Variants in GAS7 observed in about 807,000 individuals in gnomAD.
The protein encoded by GAS7 is growth arrest-specific protein 7.
GAS7 carries 28 observed loss-of-function variants against 71.1 expected under a neutral mutation model. The observed-to-expected ratio is 0.39, with a 90% CI of 0.29 to 0.54. The LOEUF is 0.54. Among genes scored for constraint, GAS7 ranks in the 20% least tolerant of loss-of-function variants. GAS7 has a pLI of 0.62. For synonymous variants in GAS7, 258 were observed against 245.8 expected (o/e 1.05, Z -0.46); for missense variants, 436 against 627.8 (o/e 0.69, Z 3.27).
intron 11 of GAS7, among the ~76,000 whole-genome samples, chr17:9,921,466 G>A (rs150529829): frequency 3.3e-5 from 5 of 152,210 alleles, no homozygotes; most frequent in East Asian, 1.9e-4. Flanking sequence ...GGAGGAGGGC[G>A]GCGTGCTGCT....
rs1597423592 is a variant in GAS7 at position 9,912,066 on chromosome 17, A to T, written c.*5162T>A. 4.3e-6 allele frequency: 1 copy of T among 232,066 alleles called. No individual in the cohort carries two copies. The highest frequency in any genetic ancestry group is 8.5e-6 in the Non-Finnish European group (1 of 117,336). 14.4% of individuals were successfully genotyped at this position (232,066 alleles called of 1,614,324 possible). ...ACGCCTGTCCTGGCTCCTGGGGAGTAGACTCCAGAACATACTATCAAAGAT... is the reference window on the plus strand; with the variant it reads ...ACGCCTGTCCTGGCTCCTGGGGAGTTGACTCCAGAACATACTATCAAAGAT... On this transcript the variant is annotated 3_prime_UTR_variant, in exon 14 of 14. Coordinates refer to ENST00000432992, the MANE Select transcript of GAS7 (RefSeq NM_201433.2).
At chr17:10,132,884 C>T (rs1236873575) in intron 1 of GAS7, among the ~76,000 whole-genome samples, 3 of 152,014 alleles carry the variant, frequency 2.0e-5, no homozygotes, top group Non-Finnish European at 2.9e-5. Context: ...TTCAAACTGA[C>T]TCACAGGCTT....
chr17:9,924,923 A>G (rs975095359), intron 11 of GAS7: 4 of 152,256 alleles, frequency 2.6e-5, no homozygotes, highest in African/African-American at 9.6e-5. Flanking sequence ...ACTAGGTGGA[A>G]GCAGAAACCA....
At chr17:10,013,757 T>C (rs997095605) in intron 2 of GAS7, among the ~76,000 whole-genome samples, 4 of 152,234 alleles carry the variant, frequency 2.6e-5, no homozygotes, top group African/African-American at 9.6e-5. Flanking sequence ...TTTCAGTCTG[T>C]CCCTGACTAC....
chr17:10,110,541 C>T (rs945574815), intron 1 of GAS7, among the ~76,000 whole-genome samples: 3 of 152,136 alleles, frequency 2.0e-5, no homozygotes, highest in African/African-American at 4.8e-5. Flanking sequence ...TCTTGGCTCA[C>T]GGCAACCTCC....
At chr17:9,952,603 G>T (rs2069067484) in intron 5 of GAS7, among the ~76,000 whole-genome samples, 1 of 152,148 alleles carries the variant, frequency 6.6e-6, no homozygotes, top group Non-Finnish European at 1.5e-5. Flanking sequence ...TGTTGGTCAG[G>T]CTGGTCTCGA....
At chr17:10,056,444 A>C (rs1462823415) in intron 1 of GAS7, among the ~76,000 whole-genome samples, 1 of 152,160 alleles carries the variant, frequency 6.6e-6, no homozygotes, top group African/African-American at 2.4e-5. Flanking sequence ...GCAATGAACT[A>C]TGAGCATGCC....
chr17:9,946,833 C>T (rs2068805075), intron 6 of GAS7, 61 bp downstream of exon 6: 1 of 1,052,338 alleles, frequency 9.5e-7, no homozygotes, highest in African/African-American at 1.6e-5. Flanking sequence ...TCCTACCCAT[C>T]CTGGGTGTCC....
chr17:10,022,360 CT>C (rs1374818997), intron 1 of GAS7, among the ~76,000 whole-genome samples: 2 of 152,210 alleles, frequency 1.3e-5, no homozygotes, highest in African/African-American at 4.8e-5. Context: ...GTGAAATATT[CT>C]AGTTTCTCCT....
chr17:10,087,403 G>T (rs1425914214), intron 1 of GAS7, among the ~76,000 whole-genome samples: 1 of 152,232 alleles, frequency 6.6e-6, no homozygotes, highest in African/African-American at 2.4e-5. Context: ...GTGTGTCCCA[G>T]GTGGACGATG....
At chr17:10,099,452 G>T (rs2073677242) in intron 1 of GAS7, among the ~76,000 whole-genome samples, 1 of 152,208 alleles carries the variant, frequency 6.6e-6, no homozygotes, top group Non-Finnish European at 1.5e-5. Flanking sequence ...GCTGTTAAGT[G>T]ATCCGAGAGC....
chr17:10,126,622 TCA>T (rs962235686), intron 1 of GAS7, among the ~76,000 whole-genome samples: 5 of 151,376 alleles, frequency 3.3e-5, no homozygotes, highest in Non-Finnish European at 7.4e-5. Context: ...GCAGACACAC[TCA>T]CACACTCGCG....
At chr17:10,137,053 G>T (rs2074044355) in intron 1 of GAS7, among the ~76,000 whole-genome samples, 1 of 152,134 alleles carries the variant, frequency 6.6e-6, no homozygotes, top group African/African-American at 2.4e-5. Flanking sequence ...GGCAGAGGTT[G>T]CACTGAGCTG....
chr17:10,088,037 A>G (rs757506891), intron 1 of GAS7, among the ~76,000 whole-genome samples: 1 of 152,048 alleles, frequency 6.6e-6, no homozygotes, highest in East Asian at 1.9e-4. Context: ...CCTGGCCAAC[A>G]TGGTGAAACC....
Position 9,979,199 on chromosome 17 carries a change from G to A in GAS7, c.385+2605C>T, listed in dbSNP as rs538581018. Among the ~76,000 whole-genome samples the A allele has an allele frequency of 1.2e-4, 18 of 152,318 alleles. 1 individual carries two copies. In the South Asian group the frequency reaches 3.3e-3, roughly 28 times the overall value. ...TTCCTGCAGTCTTCAGAATGCTAATGTGCCTGTCCTTCTTCATCCTCCTTC... is the reference window on the plus strand; with the variant it reads ...TTCCTGCAGTCTTCAGAATGCTAATATGCCTGTCCTTCTTCATCCTCCTTC... On this transcript the variant is annotated intron_variant, in intron 3 of 13. Transcript: ENST00000432992.
rs115184049 is a variant in GAS7 at position 9,961,377 on chromosome 17, T to A, written c.472-2122A>T. 5.2e-3 allele frequency among the ~76,000 whole-genome samples: 793 copies of A among 152,232 alleles called. 6 individuals carry two copies. The highest frequency in any genetic ancestry group is 0.018 in the African/African-American group (736 of 41,518). On this transcript the variant is annotated intron_variant, in intron 4 of 13. Transcript: ENST00000432992. ...GGATAGAAGTCTCTCTCTCCATAGG[T>A]TCATTCACGTACAGACTCTAGCCAA...
chr17:10,016,384 CAAAAAA>C (rs1217937101), intron 2 of GAS7, among the ~76,000 whole-genome samples: 2 of 71,414 alleles, frequency 2.8e-5, no homozygotes, highest in Non-Finnish European at 2.7e-5. Context: ...GACTCCGTCT[CAAAAAA>C]AAAAAAAAAA....
At chr17:10,145,748 G>A (rs2074116398) in intron 1 of GAS7, among the ~76,000 whole-genome samples, 2 of 152,188 alleles carry the variant, frequency 1.3e-5, no homozygotes, top group South Asian at 4.1e-4. Context: ...GATGGCCCAG[G>A]AGTCAACTGA....
chr17:9,911,556 G>A lies in GAS7; in HGVS notation c.*5672C>T, dbSNP rs1208210152. 1 of 233,184 alleles carries A rather than the reference G, an allele frequency of 4.3e-6. No homozygotes were observed. Among genetic ancestry groups the A allele is most frequent in the Admixed American group, 5.6e-5 (1 of 17,778 alleles). 14.4% of individuals were successfully genotyped at this position (233,184 alleles called of 1,614,324 possible). On this transcript the variant is annotated 3_prime_UTR_variant, in exon 14 of 14. Coordinates refer to ENST00000432992, the MANE Select transcript of GAS7 (RefSeq NM_201433.2). The surrounding 1 kb of genome is among the most constrained non-coding windows in gnomAD (Gnocchi z 4.0). ...CCATGCCCCAGCATTTAGAACGTGG[G>A]GAGAAGCGAATTGGTTTTTGCCCTC...
Sources: allele counts gnomAD v4.1 joint callset (sites outside exome capture counted in the v4.1 genomes callset), GRCh38; gene constraint gnomAD v4.1.1; non-coding constraint Gnocchi (gnomAD v3.1); transcripts MANE v1.5; gene names NCBI Gene and HGNC (gene_info 2026-07-23, HGNC 2026-07-21).